Variants in PKIA observed in about 807,000 individuals in gnomAD.
The protein encoded by PKIA is cAMP-dependent protein kinase inhibitor alpha, also known as PKI-alpha.
A neutral mutation model predicts 7.6 loss-of-function variants in PKIA; 4 were observed. That is an observed-to-expected ratio of 0.52 (90% CI 0.26 to 1.20). The LOEUF (loss-of-function observed/expected upper bound fraction) is 1.20, where lower values mean the gene tolerates loss of function less well. PKIA is among the 50% of genes most tolerant of loss of function. PKIA has a pLI of 0.13. For synonymous variants in PKIA, 21 were observed against 30.7 expected, an observed-to-expected ratio of 0.68 and a Z score of 1.04; for missense variants, 73 against 86.2, an observed-to-expected ratio of 0.85 and a Z score of 0.61.
At chr8:78,525,112 A>C (rs184914667) in intron 1 of PKIA, among the ~76,000 whole-genome samples, 1 of 151,748 alleles carries the variant, frequency 6.6e-6, no homozygotes, top group Non-Finnish European at 1.5e-5. Flanking sequence ...ATCATATTTT[A>C]GTCTGGAATT....
intron 2 of PKIA, among the ~76,000 whole-genome samples, chr8:78,587,981 C>T (rs1012911742): frequency 7.2e-5 from 11 of 152,130 alleles, no homozygotes; most frequent in African/African-American, 2.4e-4. Flanking sequence ...CTACATAATA[C>T]ATTTTGTGGA....
rs778495805 is a variant in PKIA, at chr8:78,598,380, T to G, written c.-5T>G. On this transcript the variant is annotated 5_prime_UTR_variant, in exon 3 of 4. Coordinates refer to ENST00000396418, the MANE Select transcript of PKIA (RefSeq NM_006823.4). ...TAGTCCCTGCTATGTGGATATTTGG[T>G]AGCAATGACTGATGTGGAAACTACA... The G allele has an allele frequency of 6.2e-7, 1 of 1,606,596 alleles. No homozygotes were observed. Among genetic ancestry groups the G allele is most frequent in the Non-Finnish European group, 8.5e-7 (1 of 1,175,028 alleles).
At chr8:78,566,338 T>G (rs946637122) in intron 1 of PKIA, among the ~76,000 whole-genome samples, 1 of 152,044 alleles carries the variant, frequency 6.6e-6, no homozygotes, top group African/African-American at 2.4e-5. Flanking sequence ...GTGAGTGATC[T>G]CTGAGTAGCA....
At chr8:78,531,707 C>T (rs1039833511) in intron 1 of PKIA, among the ~76,000 whole-genome samples, 13 of 152,034 alleles carry the variant, frequency 8.6e-5, no homozygotes, top group African/African-American at 3.1e-4. Context: ...ACACTCCACC[C>T]CTATAGTTAA....
intron 1 of PKIA, among the ~76,000 whole-genome samples, chr8:78,550,768 G>C (rs1172883021): frequency 1.3e-5 from 2 of 151,964 alleles, no homozygotes; most frequent in Non-Finnish European, 2.9e-5. Flanking sequence ...TACCCAAGCA[G>C]TATACGCTGA....
intron 1 of PKIA, among the ~76,000 whole-genome samples, chr8:78,520,015 T>G (rs1203212510): frequency 2.0e-5 from 3 of 152,190 alleles, no homozygotes; most frequent in African/African-American, 4.8e-5. Flanking sequence ...ACATGCTTTG[T>G]CTGCTCTTCT....
At chr8:78,581,374 T>C (rs1483104260) in intron 2 of PKIA, among the ~76,000 whole-genome samples, 1 of 152,086 alleles carries the variant, frequency 6.6e-6, no homozygotes, top group Non-Finnish European at 1.5e-5. Flanking sequence ...TGGTGAGAAA[T>C]AGGATATTTA....
chr8:78,523,877 T>C (rs1360888059), intron 1 of PKIA, among the ~76,000 whole-genome samples: 1 of 144,678 alleles, frequency 6.9e-6, no homozygotes, highest in Non-Finnish European at 1.5e-5. Flanking sequence ...CATATATATT[T>C]ATATAAATAT....
At chr8:78,527,213 G>C (rs1302418092) in intron 1 of PKIA, among the ~76,000 whole-genome samples, 1 of 151,912 alleles carries the variant, frequency 6.6e-6, no homozygotes, top group East Asian at 1.9e-4. Flanking sequence ...TTTAAATACT[G>C]AACTGATTGG....
intron 1 of PKIA, among the ~76,000 whole-genome samples, chr8:78,516,975 C>G (rs1380086247): frequency 1.3e-5 from 2 of 152,148 alleles, no homozygotes; most frequent in Non-Finnish European, 2.9e-5. Context: ...GAAAGAGCCT[C>G]TATCTGGAGG....
chr8:78,568,228 T>C (rs559681239), intron 1 of PKIA, among the ~76,000 whole-genome samples: 3 of 152,336 alleles, frequency 2.0e-5, no homozygotes, highest in Admixed American at 6.5e-5. Context: ...TTTATATTAA[T>C]GTCTCCAACC....
chr8:78,542,301 C>T (rs959172617), intron 1 of PKIA, among the ~76,000 whole-genome samples: 3 of 152,124 alleles, frequency 2.0e-5, no homozygotes, highest in African/African-American at 7.2e-5. Context: ...AGGCCACTTC[C>T]TATTCACCCC....
At chr8:78,548,989 A>G (rs1343470267) in intron 1 of PKIA, among the ~76,000 whole-genome samples, 1 of 152,100 alleles carries the variant, frequency 6.6e-6, no homozygotes, top group African/African-American at 2.4e-5. Context: ...TGAAAAAGGT[A>G]TATGTGTTGA....
rs749960360 is a variant in PKIA at position 78,572,902 on chromosome 8, A to G, written c.-65A>G. 2.0e-5 allele frequency: 3 copies of G among 152,106 alleles called. No homozygotes were observed. Among genetic ancestry groups the G allele is most frequent in the Admixed American group, 6.6e-5 (1 of 15,234 alleles). The allele number at this position is 152,106 out of a possible 1,614,324, so 9.4% of individuals were successfully genotyped here. A position where few individuals can be genotyped will look rare whatever the true frequency, so the allele number is the denominator to read the frequency against. ...ATCTCCAAGAAAAAAGAGATCTAGT[A>G]TAGTCAATGAATTAAAGACAAGAAG... On this transcript the variant is annotated 5_prime_UTR_variant, in exon 2 of 4. Coordinates refer to ENST00000396418, the MANE Select transcript of PKIA (RefSeq NM_006823.4).
At position 78,596,786 on chromosome 8, in the gene PKIA, T is replaced by G. The variant is rs181958866; in HGVS notation, c.-27-1572T>G. ...ATATTCCCTATGTTTTCCTCTAGAG[T>G]TTTTACAGTTTCAGGTTTTACATTT... is the stretch of plus-strand genomic sequence containing the variant. On this transcript the variant is annotated intron_variant, in intron 2 of 3. Transcript: ENST00000396418. Among the ~76,000 whole-genome samples the G allele has an allele frequency of 2.0e-3, 305 of 152,256 alleles. 1 individual carries two copies. The highest frequency in any genetic ancestry group is 6.9e-3 in the African/African-American group (288 of 41,540).
At position 78,602,766 on chromosome 8, in the gene PKIA, G is replaced by A. The variant is rs1009606629; in HGVS notation, c.*945G>A. 1 of 150,340 alleles carries A rather than the reference G, an allele frequency of 6.7e-6. No individual in the cohort carries two copies. The highest frequency in any genetic ancestry group is 3.4e-3 in the Middle Eastern group (1 of 290). The allele number at this position is 150,340 out of a possible 1,614,324, so 9.3% of individuals were successfully genotyped here. On this transcript the variant is annotated 3_prime_UTR_variant, in exon 4 of 4. Transcript: ENST00000396418. The stretch of plus-strand genomic sequence containing the variant: ...TGGAAAGGTAGAAAAGAAAAGCCAA[G>A]ATCATACTAAGGACTGGAAATATTT...
At chr8:78,587,307 A>G (rs1402698128) in intron 2 of PKIA, among the ~76,000 whole-genome samples, 1 of 152,214 alleles carries the variant, frequency 6.6e-6, no homozygotes, top group Non-Finnish European at 1.5e-5. Flanking sequence ...ATAACAAAGA[A>G]CACCACCAGC....
chr8:78,572,286 G>C (rs1485161860), intron 1 of PKIA, among the ~76,000 whole-genome samples: 2 of 147,536 alleles, frequency 1.4e-5, no homozygotes, highest in Admixed American at 6.7e-5. Flanking sequence ...TTTTGTGTGT[G>C]ACAACGCTTG....
At chr8:78,563,854 G>A (rs1047105538) in intron 1 of PKIA, among the ~76,000 whole-genome samples, 1 of 152,158 alleles carries the variant, frequency 6.6e-6, no homozygotes, top group Non-Finnish European at 1.5e-5. Context: ...ATAGGAGTTA[G>A]TGGTCTAGAA....
Sources: gnomAD v4.1 joint callset for allele counts (sites outside exome capture counted in the v4.1 genomes callset) on GRCh38, gnomAD v4.1.1 for gene constraint, MANE v1.5 for transcripts, NCBI Gene and HGNC (gene_info 2026-07-23, HGNC 2026-07-21) for gene names.